The following PTPRN2 variants were observed in gnomAD, a reference collection of about 807,000 sequenced individuals.
The protein encoded by PTPRN2 is receptor-type tyrosine-protein phosphatase N2.
A neutral mutation model predicts 118.8 loss-of-function variants in PTPRN2; 74 were observed. The observed-to-expected ratio is 0.62, with a 90% confidence interval of 0.52 to 0.76. The LOEUF is 0.76. PTPRN2 is among the 30% of genes least tolerant of loss of function. The probability of loss-of-function intolerance (pLI) is 0.00; values close to 1 mark genes in which losing one functional copy is unlikely to be tolerated. For synonymous variants in PTPRN2, 641 were observed against 608.0 expected (o/e 1.05, Z -0.80); for missense variants, 1,481 against 1,394.4 (o/e 1.06, Z -0.99).
intron 5 of PTPRN2, among the ~76,000 whole-genome samples, chr7:158,188,414 G>A (rs868329479): frequency 2.2e-4 from 3 of 13,430 alleles, no homozygotes; most frequent in Non-Finnish European, 3.5e-4. Flanking sequence ...CGCCACGCTC[G>A]CCCCCTGATG....
intron 5 of PTPRN2, among the ~76,000 whole-genome samples, chr7:158,182,205 T>G (rs1361183778): frequency 1.3e-5 from 2 of 152,256 alleles, no homozygotes; most frequent in Non-Finnish European, 2.9e-5. Context: ...TTTATTTCCA[T>G]GTATTTGTGT....
At chr7:158,076,740 C>T (rs1039750404) in intron 11 of PTPRN2, among the ~76,000 whole-genome samples, 13 of 152,180 alleles carry the variant, frequency 8.5e-5, no homozygotes, top group African/African-American at 2.9e-4. Context: ...CAAAGGCCAG[C>T]TTCTCTGTGG....
chr7:158,097,675 C>T (rs1054503930), intron 10 of PTPRN2, among the ~76,000 whole-genome samples: 17 of 152,216 alleles, frequency 1.1e-4, no homozygotes, highest in African/African-American at 3.1e-4. Flanking sequence ...CGATCACCGC[C>T]GCCGCAGACA....
In PTPRN2 at chr7:157,587,420, T is replaced by G. The variant is rs1374614311; in HGVS notation, c.2496+7818A>C. Among the ~76,000 whole-genome samples, 1 of 152,152 alleles carries G rather than the reference T, an allele frequency of 6.6e-6. No individual in the cohort carries two copies. The highest frequency in any genetic ancestry group is 6.5e-5 in the Admixed American group (1 of 15,276). ...AGGAAACACCGTTAAATTCTTTGGGTCTTCCACAGTTCCAAGTTCAGGATT... is the reference window on the plus strand; with the variant it reads ...AGGAAACACCGTTAAATTCTTTGGGGCTTCCACAGTTCCAAGTTCAGGATT... On this transcript the variant is annotated intron_variant, in intron 17 of 22. Coordinates refer to ENST00000389418, the MANE Select transcript of PTPRN2 (RefSeq NM_002847.5). This position sits in a 1 kb window ranked among gnomAD's most constrained non-coding sequence, Gnocchi z 5.3.
intron 14 of PTPRN2, among the ~76,000 whole-genome samples, chr7:157,642,831 A>AAAAAC (rs1804768227): frequency 1.4e-5 from 2 of 144,392 alleles, no homozygotes; most frequent in Non-Finnish European, 3.0e-5. Context: ...AAAAAAAAAA[A>AAAAAC]AAAAAAAAAA....
At chr7:158,026,526 T>C (rs997855002) in intron 11 of PTPRN2, among the ~76,000 whole-genome samples, 14 of 152,220 alleles carry the variant, frequency 9.2e-5, no homozygotes, top group African/African-American at 3.4e-4. Context: ...TTTACTCAAA[T>C]ATTTACAATG....
intron 12 of PTPRN2, among the ~76,000 whole-genome samples, chr7:157,878,369 TACTC>T (rs1795911836): frequency 6.8e-6 from 1 of 147,314 alleles, no homozygotes; most frequent in South Asian, 2.2e-4. Flanking sequence ...CACCCACACT[TACTC>T]ACCGAGAAGC....
At chr7:157,955,031 G>A (rs1801098101) in intron 11 of PTPRN2, among the ~76,000 whole-genome samples, 1 of 152,140 alleles carries the variant, frequency 6.6e-6, no homozygotes, top group African/African-American at 2.4e-5. Context: ...GAAGCGGGTG[G>A]GGTGGAGGGT....
intron 12 of PTPRN2, among the ~76,000 whole-genome samples, chr7:157,747,982 CCTGCGTCTCTGAGCTGTGGGG>C: frequency 1.5e-5 from 2 of 132,124 alleles, no homozygotes; most frequent in Non-Finnish European, 3.2e-5. Context: ...GATTCTGAGG[CCTGCGTCTCTGAGCTGTGGGG>C]TGTCCGGGTG....
chr7:157,868,126 G>A lies in PTPRN2; in HGVS notation c.1788+30547C>T, dbSNP rs557520764. ...AAAGGGCCCGAAACAGTTCACGAGT[G>A]GGGTGTGGGCTGTGGGTCCAGACAC... On this transcript the variant is annotated intron_variant, in intron 12 of 22. Transcript: ENST00000389418. This position sits in a 1 kb window ranked among gnomAD's most constrained non-coding sequence, Gnocchi z 5.2. Among the ~76,000 whole-genome samples, 43 of 152,348 alleles carry A rather than the reference G, an allele frequency of 2.8e-4. No individual in the cohort carries two copies. Among genetic ancestry groups the A allele is most frequent in the Non-Finnish European group, 5.3e-4 (36 of 68,024 alleles).
intron 11 of PTPRN2, among the ~76,000 whole-genome samples, chr7:158,066,486 T>C (rs1320159394): frequency 6.6e-6 from 1 of 152,128 alleles, no homozygotes; most frequent in Non-Finnish European, 1.5e-5. Context: ...AACTCCTCAG[T>C]ATGGAAGGGC....
At chr7:158,554,529 A>T (rs1826854675) in intron 1 of PTPRN2, among the ~76,000 whole-genome samples, 1 of 151,116 alleles carries the variant, frequency 6.6e-6, no homozygotes, top group Non-Finnish European at 1.5e-5. Flanking sequence ...CCCATTATTT[A>T]TTTTCTGAGG....
At chr7:158,489,235 C>G (rs1260710644) in intron 2 of PTPRN2, among the ~76,000 whole-genome samples, 1 of 152,304 alleles carries the variant, frequency 6.6e-6, no homozygotes. Context: ...CACCTGAAGT[C>G]AGGAGTTCGA....
intron 4 of PTPRN2, among the ~76,000 whole-genome samples, chr7:158,200,379 G>A (rs57002466): frequency 0.043 from 6,559 of 152,236 alleles, 464 homozygotes; most frequent in African/African-American, 0.15. Context: ...ACGAGCTGAC[G>A]CAGCCCCCGT....
intron 2 of PTPRN2, among the ~76,000 whole-genome samples, chr7:158,364,344 C>T (rs112119773): frequency 2.3e-4 from 34 of 147,330 alleles, no homozygotes; most frequent in African/African-American, 7.9e-4. Flanking sequence ...ACCTGCCTCT[C>T]GCCATGCTTC....
At chr7:158,306,518 A>C (rs1305354954) in intron 3 of PTPRN2, among the ~76,000 whole-genome samples, 1 of 38,224 alleles carries the variant, frequency 2.6e-5, no homozygotes, top group African/African-American at 9.0e-5. Flanking sequence ...CATTTAAGGC[A>C]ATCTGTCTGG....
chr7:158,487,498 G>T (rs1250080309), intron 2 of PTPRN2, among the ~76,000 whole-genome samples: 1 of 152,030 alleles, frequency 6.6e-6, no homozygotes, highest in East Asian at 1.9e-4. Context: ...TTTATCTTTT[G>T]ACTTTCTTTT....
At chr7:158,365,648 A>AATGCACAC (rs1809380088) in intron 2 of PTPRN2, among the ~76,000 whole-genome samples, 2 of 144,012 alleles carry the variant, frequency 1.4e-5, no homozygotes, top group African/African-American at 5.9e-5. Flanking sequence ...GCCGCAGCCC[A>AATGCACAC]ATGCACACGC....
chr7:158,252,520 C>CA (rs914300505), intron 3 of PTPRN2, among the ~76,000 whole-genome samples: 15 of 152,272 alleles, frequency 9.9e-5, no homozygotes, highest in African/African-American at 3.4e-4. Context: ...CACTACCCCC[C>CA]AGCCCCAGCC....
Sources: allele counts gnomAD v4.1 joint callset (sites outside exome capture counted in the v4.1 genomes callset), GRCh38; gene constraint gnomAD v4.1.1; non-coding constraint Gnocchi (gnomAD v3.1); transcripts MANE v1.5; gene names NCBI Gene and HGNC (gene_info 2026-07-23, HGNC 2026-07-21).